DMD: variants seen among roughly 807,000 people sequenced by gnomAD.
DMD encodes the protein dystrophin.
DMD carries 63 observed loss-of-function variants against 330.1 expected under a neutral mutation model. The ratio of observed to expected loss-of-function variants is 0.19; its 90% CI spans 0.16 to 0.24. DMD has a LOEUF of 0.24. Among genes scored for constraint, DMD ranks in the 10% least tolerant of loss-of-function variants. DMD has a pLI of 1.00. For synonymous variants in DMD, 1,223 were observed against 959.8 expected (o/e 1.27, Z -5.07); for missense variants, 3,344 against 2,684.1 (o/e 1.25, Z -5.43).
chrX:32,885,858 T>C (rs1296521707), intron 2 of DMD, among the ~76,000 whole-genome samples: 2 of 104,038 alleles, frequency 1.9e-5, no homozygotes, highest in African/African-American at 7.0e-5. Flanking sequence ...AACCTTTCCT[T>C]TCAGGTAGTA....
chrX:33,067,695 A>G (rs1355889465), intron 1 of DMD, among the ~76,000 whole-genome samples: 1 of 110,471 alleles, frequency 9.1e-6, no homozygotes, highest in Non-Finnish European at 1.9e-5. Flanking sequence ...ACAAAAAAAA[A>G]TTATCCGGGT....
At chrX:32,860,367 A>C (rs1444594304) in intron 2 of DMD, among the ~76,000 whole-genome samples, 1 of 112,223 alleles carries the variant, frequency 8.9e-6, no homozygotes, top group East Asian at 2.8e-4. Context: ...TTCTGATTAC[A>C]AAAAGGACAA....
intron 59 of DMD, among the ~76,000 whole-genome samples, chrX:31,475,920 T>A (rs1488031531): frequency 1.8e-5 from 2 of 111,729 alleles, no homozygotes; most frequent in Admixed American, 9.6e-5. Flanking sequence ...TAATGACTCA[T>A]AAACAGTTGT....
At chrX:31,149,935 C>T (rs1356248632) in intron 74 of DMD, among the ~76,000 whole-genome samples, 2 of 111,703 alleles carry the variant, frequency 1.8e-5, no homozygotes, top group African/African-American at 6.5e-5. Context: ...GATACTGATC[C>T]TTTGAAATTT....
chrX:32,526,020 TCA>T (rs1190903495), intron 17 of DMD, among the ~76,000 whole-genome samples: 1 of 111,837 alleles, frequency 8.9e-6, no homozygotes, highest in Non-Finnish European at 1.9e-5. Flanking sequence ...AACTTATGTA[TCA>T]TAAGTTGCTC....
intron 50 of DMD, among the ~76,000 whole-genome samples, chrX:31,816,242 AT>A (rs1667311700): frequency 9.0e-6 from 1 of 111,067 alleles, no homozygotes; most frequent in African/African-American, 3.3e-5. Flanking sequence ...CAGTATGTTG[AT>A]TTGTCCTGAT....
At chrX:32,836,042 T>A (rs1303597760) in intron 4 of DMD, among the ~76,000 whole-genome samples, 1 of 110,120 alleles carries the variant, frequency 9.1e-6, no homozygotes, top group Non-Finnish European at 1.9e-5. Context: ...AAAAAAATTT[T>A]TTTTTTTGGA....
At chrX:32,858,225 G>A (rs930812240) in intron 2 of DMD, among the ~76,000 whole-genome samples, 15 of 112,230 alleles carry the variant, frequency 1.3e-4, no homozygotes, top group South Asian at 7.5e-4. Flanking sequence ...ATTACACAGT[G>A]CCTGCAGGTT....
In DMD at chrX:31,346,680, C is replaced by T. The variant is rs191934796; in HGVS notation, c.9163+1876G>A. ...AAACATAATTAATAAAATAGCAAAA[C>T]CAGTAAATAAAAAGAATGGCTAGAG... On this transcript the variant is annotated intron_variant, in intron 61 of 78. Transcript: ENST00000357033. Among the ~76,000 whole-genome samples the T allele has an allele frequency of 9.7e-3, 1,069 of 109,703 alleles. 9 individuals carry two copies. The highest frequency in any genetic ancestry group is 0.016 in the Non-Finnish European group (862 of 52,664).
At chrX:31,682,309 C>T (rs776142622) in intron 52 of DMD, among the ~76,000 whole-genome samples, 1 of 111,356 alleles carries the variant, frequency 9.0e-6, no homozygotes, top group African/African-American at 3.3e-5. Context: ...TATATTGCAA[C>T]TTCAGTTAAC....
rs1800264 is a variant in DMD at position 32,699,141 on chromosome X, A to G, written c.802T>C (p.Leu268=). The G allele has an allele frequency of 2.3e-3, 2,819 of 1,208,727 alleles. 38 individuals carry two copies. In the Admixed American group the frequency reaches 0.04, roughly 17 times the overall value. Residue 268 remains leucine (L), a synonymous_variant, in exon 8 of 79, where the codon TTA becomes CTA. Coordinates refer to ENST00000357033, the MANE Select transcript of DMD (RefSeq NM_004006.3). ...PKVTKEEHFQ[L]HHQMHYSQQI... ...TGAGAATAGTGCATTTGATGATGTA[A>G]CTGAAAATGTTCTTCTTTAGTCACT...
intron 78 of DMD, among the ~76,000 whole-genome samples, chrX:31,122,430 GTCACCATTA>G (rs1344078043): frequency 1.8e-5 from 2 of 110,604 alleles, no homozygotes; most frequent in African/African-American, 6.6e-5. Context: ...CCCAACCATC[GTCACCATTA>G]TCACTGCCAC....
chrX:32,082,789 A>T (rs1030007995), intron 44 of DMD, among the ~76,000 whole-genome samples: 2 of 111,790 alleles, frequency 1.8e-5, no homozygotes, highest in Admixed American at 1.9e-4. Flanking sequence ...TAAATTGAAG[A>T]CCTAAAGGAT....
chrX:31,932,143 A>G lies in DMD; in HGVS notation c.6699T>C (p.Ile2233=), dbSNP rs2150001540. The change falls in exon 46 of 79, where the codon ATT becomes ATC. Residue 2233 remains isoleucine (I), a synonymous_variant. Transcript: ENST00000357033. ...FVLWLEEADN[I]ASIPLEPGKE... ...TTCCAGGTTCAAGTGGGATACTAGC[A>G]ATGTTATCTGCTTCCTCCAACCATA... 1 of 1,202,639 alleles carries G rather than the reference A, an allele frequency of 8.3e-7. No homozygotes were observed. Among genetic ancestry groups the G allele is most frequent in the East Asian group, 3.0e-5 (1 of 33,766 alleles).
chrX:31,837,193 T>C (rs549127834), intron 48 of DMD, among the ~76,000 whole-genome samples: 1 of 112,427 alleles, frequency 8.9e-6, no homozygotes, highest in Non-Finnish European at 1.9e-5. Context: ...TATACACTTA[T>C]TGTTTTACAA....
At chrX:31,335,441 C>T (rs1159567843) in intron 61 of DMD, among the ~76,000 whole-genome samples, 3 of 112,239 alleles carry the variant, frequency 2.7e-5, no homozygotes, top group Admixed American at 9.4e-5. Flanking sequence ...AAAAGTAATG[C>T]AGGCCCTATG....
At chrX:32,357,082 A>T (rs112449042) in intron 37 of DMD, among the ~76,000 whole-genome samples, 23,498 of 109,774 alleles carry the variant, frequency 0.21, 2,675 homozygotes, top group African/African-American at 0.43. Flanking sequence ...AGAGAAGGGG[A>T]TTTGCCATGT....
At chrX:33,077,553 G>T (rs375265323) in intron 1 of DMD, among the ~76,000 whole-genome samples, 2 of 111,676 alleles carry the variant, frequency 1.8e-5, no homozygotes, top group Non-Finnish European at 3.8e-5. Flanking sequence ...TCCAAGGTGA[G>T]AAGAGTGGAA....
chrX:32,380,929 C>T (rs983215954), intron 33 of DMD, among the ~76,000 whole-genome samples: 2 of 110,060 alleles, frequency 1.8e-5, no homozygotes, highest in Admixed American at 9.8e-5. Context: ...GAAACCTATA[C>T]GAATTTTTCT....
Sources: gnomAD v4.1 joint callset for allele counts (sites outside exome capture counted in the v4.1 genomes callset) on GRCh38, gnomAD v4.1.1 for gene constraint, MANE v1.5 for transcripts, NCBI Gene and HGNC (gene_info 2026-07-23, HGNC 2026-07-21) for gene names.